ZBTB7C: variants seen among roughly 807,000 people sequenced by gnomAD.
ZBTB7C encodes the protein zinc finger and BTB domain-containing protein 7C.
A neutral mutation model predicts 25.7 loss-of-function variants in ZBTB7C; 8 were observed. The ratio of observed to expected loss-of-function variants is 0.31; its 90% CI spans 0.18 to 0.56. The LOEUF is 0.56. ZBTB7C is among the 20% of genes least tolerant of loss of function. ZBTB7C has a pLI of 0.91. For missense variants in ZBTB7C, 824 were observed against 855.2 expected (o/e 0.96, Z 0.46); for synonymous variants, 394 against 369.0 (o/e 1.07, Z -0.78).
At chr18:48,138,893 G>C (rs1376722770) in intron 3 of ZBTB7C, among the ~76,000 whole-genome samples, 1 of 152,224 alleles carries the variant, frequency 6.6e-6, no homozygotes, top group Non-Finnish European at 1.5e-5. Context: ...TTTGCTGTGT[G>C]CCCGTAAAGG....
chr18:48,077,736 T>G lies in ZBTB7C; in HGVS notation c.-16-36613A>C, dbSNP rs140390129. ...ACATTTGATGAGCACCTGGGTCACC[T>G]CGTCCTCACCATCTGAGTTGGGTCT... On this transcript the variant is annotated intron_variant, in intron 3 of 4. Transcript: ENST00000590800. Among the ~76,000 whole-genome samples, 470 of 152,272 alleles carry G rather than the reference T, an allele frequency of 3.1e-3. 11 individuals are homozygous for G. The East Asian group carries it at 0.042, about 13-fold the overall frequency.
intron 3 of ZBTB7C, chr18:48,083,947 G>A (rs985178940): frequency 2.1e-6 from 2 of 942,634 alleles, no homozygotes; most frequent in African/African-American, 1.8e-5. Context: ...CTTTAAACAC[G>A]ACCTGAGACC....
chr18:48,138,558 G>A (rs1157558643), intron 3 of ZBTB7C, among the ~76,000 whole-genome samples: 1 of 152,202 alleles, frequency 6.6e-6, no homozygotes, highest in Non-Finnish European at 1.5e-5. Flanking sequence ...GTGGACTGCT[G>A]CGTGAGGGGA....
intron 3 of ZBTB7C, among the ~76,000 whole-genome samples, chr18:48,060,318 C>T (rs1020287741): frequency 1.2e-4 from 18 of 152,254 alleles, no homozygotes; most frequent in African/African-American, 2.2e-4. Context: ...ATGCAGGGAG[C>T]GGGGATGGGG....
At chr18:48,176,460 C>T (rs1276909571) in intron 3 of ZBTB7C, among the ~76,000 whole-genome samples, 2 of 152,108 alleles carry the variant, frequency 1.3e-5, no homozygotes, top group African/African-American at 4.8e-5. Context: ...CTGACAAAAT[C>T]GGGATACAAA....
At chr18:48,264,754 C>T (rs1026218375) in intron 2 of ZBTB7C, among the ~76,000 whole-genome samples, 1 of 152,140 alleles carries the variant, frequency 6.6e-6, no homozygotes, top group Non-Finnish European at 1.5e-5. Context: ...ATGTGGTGGA[C>T]ACTCCCCCAA....
At chr18:48,126,038 G>C (rs2039789046) in intron 3 of ZBTB7C, among the ~76,000 whole-genome samples, 1 of 152,096 alleles carries the variant, frequency 6.6e-6, no homozygotes, top group Non-Finnish European at 1.5e-5. Flanking sequence ...CATTTGGCCA[G>C]GACTATGCTT....
intron 1 of ZBTB7C, among the ~76,000 whole-genome samples, chr18:48,343,090 T>C (rs964997537): frequency 2.0e-5 from 3 of 152,136 alleles, no homozygotes; most frequent in African/African-American, 7.2e-5. Flanking sequence ...CAGTCTTGGA[T>C]CTGTAACCAG....
At chr18:48,173,046 G>A (rs1056103135) in intron 3 of ZBTB7C, among the ~76,000 whole-genome samples, 1 of 152,218 alleles carries the variant, frequency 6.6e-6, no homozygotes, top group Non-Finnish European at 1.5e-5. Context: ...TGAAAGCTCC[G>A]ACTTTCCTCT....
intron 3 of ZBTB7C, among the ~76,000 whole-genome samples, chr18:48,156,689 C>T (rs532716980): frequency 3.2e-4 from 49 of 152,336 alleles, no homozygotes; most frequent in African/African-American, 1.1e-3. Context: ...GCACTTCCTG[C>T]ACTCAAATTC....
At chr18:48,165,128 C>T in intron 3 of ZBTB7C, 1 of 1,289,650 alleles carries the variant, frequency 7.8e-7, no homozygotes, top group South Asian at 1.2e-5. Context: ...CAGGGACACT[C>T]ACCAACCCTT....
At chr18:48,148,783 C>T (rs913620017) in intron 3 of ZBTB7C, 5 of 152,276 alleles carry the variant, frequency 3.3e-5, no homozygotes, top group African/African-American at 9.6e-5. Flanking sequence ...CCTATGTGAT[C>T]GATTACCATT....
At chr18:48,410,329 C>T (rs769855862), upstream of ZBTB7C, among the ~76,000 whole-genome samples, 3 of 152,314 alleles carry the variant, frequency 2.0e-5, no homozygotes, top group Non-Finnish European at 2.9e-5. Flanking sequence ...CTCCGCACCC[C>T]ACACGCCGGG....
At chr18:48,247,445 A>C (rs910324721) in intron 2 of ZBTB7C, among the ~76,000 whole-genome samples, 1 of 152,206 alleles carries the variant, frequency 6.6e-6, no homozygotes, top group Non-Finnish European at 1.5e-5. Context: ...TTCAAATATA[A>C]AAATATCCAG....
chr18:48,278,668 T>C (rs553112589), intron 2 of ZBTB7C, among the ~76,000 whole-genome samples: 1 of 152,254 alleles, frequency 6.6e-6, no homozygotes, highest in East Asian at 1.9e-4. Context: ...GACCTCATGA[T>C]CCACCTGCCT....
chr18:48,299,245 A>C (rs565554494), intron 2 of ZBTB7C, among the ~76,000 whole-genome samples: 1 of 152,324 alleles, frequency 6.6e-6, no homozygotes, highest in South Asian at 2.1e-4. Flanking sequence ...ACACTCATGC[A>C]GGGAAAAAAA....
intron 2 of ZBTB7C, among the ~76,000 whole-genome samples, chr18:48,262,608 A>T (rs1598730163): frequency 6.6e-6 from 1 of 152,178 alleles, no homozygotes; most frequent in South Asian, 2.1e-4. Context: ...TTACTTTATA[A>T]ATAAGGAAAT....
At position 48,338,348 on chromosome 18, in the gene ZBTB7C, A is replaced by C. The variant is rs1159040380; in HGVS notation, c.-253T>G. 1 of 151,876 alleles carries C rather than the reference A, an allele frequency of 6.6e-6. No individual in the cohort carries two copies. Among genetic ancestry groups the C allele is most frequent in the Non-Finnish European group, 1.5e-5 (1 of 68,020 alleles). 9.4% of individuals were successfully genotyped at this position (151,876 alleles called of 1,614,324 possible). A position where few individuals can be genotyped will look rare whatever the true frequency, so the allele number is the denominator to read the frequency against. ...CACTTCTTGCTCTTGTGGCTGACCC[A>C]CTCCTCAGGGTTGGACAGAGCTTCT... On this transcript the variant is annotated 5_prime_UTR_variant, in exon 2 of 5. Coordinates refer to ENST00000590800, the MANE Select transcript of ZBTB7C (RefSeq NM_001318841.2).
chr18:48,265,615 T>C (rs1397110424), intron 2 of ZBTB7C, among the ~76,000 whole-genome samples: 4 of 152,168 alleles, frequency 2.6e-5, no homozygotes, highest in African/African-American at 9.7e-5. Context: ...GTTTTTCTTA[T>C]GGTCACATTG....
Sources: gnomAD v4.1 joint callset for allele counts (sites outside exome capture counted in the v4.1 genomes callset) on GRCh38, gnomAD v4.1.1 for gene constraint, MANE v1.5 for transcripts, NCBI Gene and HGNC (gene_info 2026-07-23, HGNC 2026-07-21) for gene names.